The following ZFR2 variants were observed in gnomAD, a reference collection of about 807,000 sequenced individuals.
ZFR2 encodes zinc finger RNA binding protein 2, also known as zinc finger RNA-binding protein 2.
In ZFR2, 104 loss-of-function variants were observed where a neutral mutation model predicts 105.7. The observed-to-expected ratio is 0.98, with a 90% CI of 0.84 to 1.16. ZFR2 has a LOEUF of 1.16. Among genes scored for constraint, ZFR2 ranks in the 50% most tolerant of loss-of-function variants. ZFR2 has a pLI of 0.00. For missense variants in ZFR2, 1,425 were observed against 1,355.5 expected (o/e 1.05, Z -0.80); for synonymous variants, 634 against 597.7 (o/e 1.06, Z -0.89).
At chr19:3,822,289 C>T in intron 8 of ZFR2, 89 bp from the exon 9 acceptor site, 1 of 1,514,932 alleles carries the variant, frequency 6.6e-7, no homozygotes, top group East Asian at 2.5e-5. Context: ...CGGAGCCTTC[C>T]TCCTTGCTGC....
At chr19:3,829,111 G>A (rs1438644618) in intron 5 of ZFR2, among the ~76,000 whole-genome samples, 6 of 151,978 alleles carry the variant, frequency 3.9e-5, no homozygotes. Flanking sequence ...ACAGGCGTCT[G>A]CCACCACGCC....
chr19:3,846,383 G>A (rs566505647), intron 1 of ZFR2, among the ~76,000 whole-genome samples: 3 of 152,340 alleles, frequency 2.0e-5, no homozygotes, highest in Non-Finnish European at 2.9e-5. Flanking sequence ...ATGTTTTGCC[G>A]ACTCGAAAAG....
intron 16 of ZFR2, among the ~76,000 whole-genome samples, 196 bp from the exon 17 acceptor site, chr19:3,809,179 C>G (rs1568416164): frequency 6.6e-6 from 1 of 152,202 alleles, no homozygotes; most frequent in South Asian, 2.1e-4. Flanking sequence ...AGGCTGGTTT[C>G]TTTCTTTTCT....
chr19:3,853,431 CACAGGTGGATCAAA>C (rs1464103265), intron 1 of ZFR2, among the ~76,000 whole-genome samples: 5 of 152,022 alleles, frequency 3.3e-5, no homozygotes, highest in African/African-American at 1.2e-4. Flanking sequence ...TCCCTGCTGT[CACAGGTGGATCAAA>C]AAGCATTTGT....
intron 1 of ZFR2, among the ~76,000 whole-genome samples, chr19:3,845,557 T>C (rs1339893012): frequency 6.8e-6 from 1 of 147,540 alleles, no homozygotes; most frequent in Non-Finnish European, 1.5e-5. Context: ...TTTGGGAGGC[T>C]GAGGCAGGAG....
chr19:3,846,101 C>A (rs2145176273), intron 1 of ZFR2, among the ~76,000 whole-genome samples: 1 of 152,372 alleles, frequency 6.6e-6, no homozygotes, highest in African/African-American at 2.4e-5. Context: ...TTCAGTCTCC[C>A]AAGTAGCTGG....
At chr19:3,856,273 T>C (rs2038300593) in intron 1 of ZFR2, among the ~76,000 whole-genome samples, 1 of 152,058 alleles carries the variant, frequency 6.6e-6, no homozygotes, top group African/African-American at 2.4e-5. Context: ...ATGATCAGCC[T>C]GAGATGCCAG....
In ZFR2 at chr19:3,813,190, G is replaced by A. The variant is rs757756745; in HGVS notation, c.2242+630C>T. Among the ~76,000 whole-genome samples, 15 of 152,218 alleles carry A rather than the reference G, an allele frequency of 9.9e-5. No individual in the cohort carries two copies. The highest frequency in any genetic ancestry group is 3.6e-4 in the African/African-American group (15 of 41,464). On this transcript the variant is annotated intron_variant, in intron 14 of 18. Coordinates refer to ENST00000262961, the MANE Select transcript of ZFR2 (RefSeq NM_015174.2). This position sits in a 1 kb window ranked among gnomAD's most constrained non-coding sequence, Gnocchi z 4.4. ...ACGAAGGGGGTAAAAGATGATAGGA[G>A]TTTGGAAAACTGCCCTAGAGACTGT...
At chr19:3,811,009 C>G (rs1380966343) in intron 15 of ZFR2, among the ~76,000 whole-genome samples, 164 bp from the exon 16 acceptor site, 1 of 152,218 alleles carries the variant, frequency 6.6e-6, no homozygotes, top group African/African-American at 2.4e-5. Flanking sequence ...GAGCCCGGTG[C>G]CACCAGGCTG....
intron 14 of ZFR2, among the ~76,000 whole-genome samples, chr19:3,812,798 G>T (rs1370738790): frequency 6.6e-6 from 1 of 152,124 alleles, no homozygotes; most frequent in African/African-American, 2.4e-5. Context: ...AACAAATTGG[G>T]CCAGGCATGG....
At position 3,807,278 on chromosome 19, in the gene ZFR2, C is replaced by CG; in HGVS notation, c.2546-10dup. ...CTGGAGCCCGGGCCCGTCTTTGTGA[C>CG]GGGGAGTGGGAACAGCAAAGAAGGC... On this transcript the variant is annotated splice_polypyrimidine_tract_variant and intron_variant, in intron 17 of 18. Transcript: ENST00000262961. 5.2e-6 allele frequency: 8 copies of CG among 1,549,050 alleles called. No homozygotes were observed. In the Middle Eastern group the frequency reaches 5.0e-4, roughly 97 times the overall value.
chr19:3,829,759 C>G (rs765236797), intron 5 of ZFR2, among the ~76,000 whole-genome samples: 1 of 152,196 alleles, frequency 6.6e-6, no homozygotes, highest in East Asian at 1.9e-4. Flanking sequence ...AGCGATCTAC[C>G]GGCTTCGGCC....
At chr19:3,811,927 A>ATATTTATT (rs61564585) in intron 14 of ZFR2, among the ~76,000 whole-genome samples, 3 of 151,310 alleles carry the variant, frequency 2.0e-5, no homozygotes, top group Non-Finnish European at 4.4e-5. Context: ...CACCCAGCTA[A>ATATTTATT]TATTTATTTA....
At chr19:3,808,220 C>T (rs1170047278) in intron 17 of ZFR2, among the ~76,000 whole-genome samples, 1 of 148,508 alleles carries the variant, frequency 6.7e-6, no homozygotes, top group African/African-American at 2.5e-5. Context: ...TGTGCCCGTG[C>T]GAGTGCGTGC....
chr19:3,807,118 G>T, intron 18 of ZFR2, 54 bp downstream of exon 18: 1 of 1,365,010 alleles, frequency 7.3e-7, no homozygotes, highest in East Asian at 2.5e-5. Context: ...CTGCACAGCT[G>T]CAAGCCGGAG....
chr19:3,818,002 C>T (rs1026177786), intron 12 of ZFR2, among the ~76,000 whole-genome samples: 2 of 152,020 alleles, frequency 1.3e-5, no homozygotes, highest in African/African-American at 4.8e-5. Flanking sequence ...CATGGGTGCA[C>T]GAAACAAAAA....
chr19:3,855,546 C>T (rs2038287863), intron 1 of ZFR2: 2 of 917,254 alleles, frequency 2.2e-6, no homozygotes, highest in Admixed American at 8.6e-5. Flanking sequence ...AAAGTCCCGT[C>T]CTCCAGGAGG....
intron 1 of ZFR2, 53 bp from the exon 2 acceptor site, chr19:3,835,036 G>A: frequency 6.5e-7 from 1 of 1,545,858 alleles, no homozygotes; most frequent in South Asian, 1.2e-5. Flanking sequence ...GAGTTCTCAG[G>A]TGCACTGAGT....
Position 3,820,253 on chromosome 19 carries a change from G to A in ZFR2, c.1669C>T (p.His557Tyr), listed in dbSNP as rs1365244596. 4 of 1,548,116 alleles carry A rather than the reference G, an allele frequency of 2.6e-6. No homozygotes were observed. The highest frequency in any genetic ancestry group is 1.2e-5 in the South Asian group (1 of 83,990). ...GGCTGGGCCCAGTCGGGCGGCGCGT[G>A]GGGCGGCACGTCCTGGGGTGGCTCC... ...EEEPPQDVPP[H>Y]APPDWAQPLL... is the part of the protein sequence containing the mutation. Residue 557 changes from histidine to tyrosine, a missense_variant, in exon 11 of 19, where the codon CAC (histidine) becomes TAC (tyrosine). His to Tyr is a moderately conservative substitution (Grantham distance 83). Transcript: ENST00000262961.
Sources: gnomAD v4.1 joint callset for allele counts (sites outside exome capture counted in the v4.1 genomes callset) on GRCh38, gnomAD v4.1.1 for gene constraint, Gnocchi (gnomAD v3.1) non-coding constraint, MANE v1.5 for transcripts, NCBI Gene and HGNC (gene_info 2026-07-23, HGNC 2026-07-21) for gene names.